The following FBXL22 variants were observed in gnomAD, a reference collection of about 807,000 sequenced individuals.
The protein encoded by FBXL22 is F-box and leucine-rich protein 22.
FBXL22 carries 13 observed loss-of-function variants against 11.7 expected under a neutral mutation model. The ratio of observed to expected loss-of-function variants is 1.11; its 90% confidence interval spans 0.73 to 1.77. The LOEUF (loss-of-function observed/expected upper bound fraction) is 1.77, where lower values mean the gene tolerates loss of function less well. Ranked by LOEUF, FBXL22 falls within the 40% of genes most tolerant of loss-of-function variation. FBXL22 has a pLI of 0.00. For missense variants in FBXL22, 406 were observed against 320.4 expected, an observed-to-expected ratio of 1.27 and a Z score of -2.04; for synonymous variants, 160 against 144.1, an observed-to-expected ratio of 1.11 and a Z score of -0.79.
At chr15:63,600,446 A>C in intron 1 of FBXL22, 2 of 1,209,518 alleles carry the variant, frequency 1.7e-6, no homozygotes, top group African/African-American at 3.1e-5. Context: ...GGGGCTTCCC[A>C]CTAGGGGCTC....
chr15:63,601,352 C>T, downstream of FBXL22: 1 of 1,604,122 alleles, frequency 6.2e-7, no homozygotes. Flanking sequence ...TCCTCGGGGA[C>T]TCCGATCGCC....
chr15:63,601,161 C>G lies in FBXL22; in HGVS notation c.*122C>G. On this transcript the variant is annotated 3_prime_UTR_variant, in exon 2 of 2. Transcript: ENST00000638704. Reference sequence around the variant, plus strand: ...CTGAGCCTCATTTTCCCCGTCTGCACAGTGGGGATAAGAAAGCCTACCTCA... The same window carrying G: ...CTGAGCCTCATTTTCCCCGTCTGCAGAGTGGGGATAAGAAAGCCTACCTCA... 2 of 1,432,362 alleles carry G rather than the reference C, an allele frequency of 1.4e-6. No homozygotes were observed. Among genetic ancestry groups the G allele is most frequent in the Non-Finnish European group, 1.8e-6 (2 of 1,099,596 alleles). The allele number at this position is 1,432,362 out of a possible 1,614,324, so 88.7% of individuals were successfully genotyped here.
chr15:63,601,462 C>G, downstream of FBXL22: 1 of 1,571,468 alleles, frequency 6.4e-7, no homozygotes. Context: ...GCGCAGGGGT[C>G]TGGGGAGCCT....
At chr15:63,602,210 G>A (rs3934553), downstream of FBXL22, 123,989 of 152,484 alleles carry the variant, frequency 0.81, 52,307 homozygotes, top group Non-Finnish European at 0.88. Flanking sequence ...ATAGGGAAAC[G>A]GCAAGGAAAA....
chr15:63,607,317 T>C (rs1168849476), downstream of FBXL22, among the ~76,000 whole-genome samples: 1 of 152,220 alleles, frequency 6.6e-6, no homozygotes, highest in Non-Finnish European at 1.5e-5. Context: ...AGTGCTGGGA[T>C]TACAGGCGTG....
In FBXL22 at chr15:63,601,063, G is replaced by A. The variant is rs2067364030; in HGVS notation, c.*24G>A. ...AGACGCCGCCCCGCCGCTGCCCCCG[G>A]GGAAGGAGCGCAGCCCCAGACCGTC... On this transcript the variant is annotated 3_prime_UTR_variant, in exon 2 of 2. Transcript: ENST00000638704. 4.1e-6 allele frequency: 5 copies of A among 1,231,958 alleles called. No individual in the cohort carries two copies. The highest frequency in any genetic ancestry group is 4.2e-5 in the Admixed American group (1 of 23,612). 76.3% of individuals were successfully genotyped at this position (1,231,958 alleles called of 1,614,324 possible). A position where few individuals can be genotyped will look rare whatever the true frequency, so the allele number is the denominator to read the frequency against.
intron 1 of FBXL22, chr15:63,599,103 C>G (rs758192479): frequency 3.4e-6 from 4 of 1,174,310 alleles, no homozygotes; most frequent in Non-Finnish European, 3.7e-6. Context: ...CAAACTCTTG[C>G]AACCTCATTT....
At chr15:63,601,696 C>G (rs745484224), downstream of FBXL22, 2 of 1,600,442 alleles carry the variant, frequency 1.2e-6, no homozygotes, top group Admixed American at 1.7e-5. Flanking sequence ...ACCGCACTCG[C>G]GATTGTAGAA....
intron 1 of FBXL22, chr15:63,599,922 G>A (rs940455405): frequency 7.1e-6 from 7 of 985,670 alleles, no homozygotes; most frequent in Non-Finnish European, 8.4e-6. Flanking sequence ...AGGAAATGAA[G>A]GCTCCGTGAG....
downstream of FBXL22, among the ~76,000 whole-genome samples, chr15:63,607,196 C>T (rs1473719691): frequency 6.6e-6 from 1 of 152,174 alleles, no homozygotes; most frequent in African/African-American, 2.4e-5. Context: ...CAGGTGCCCA[C>T]CACCATGCCC....
chr15:63,607,383 A>C (rs1343661782), downstream of FBXL22, among the ~76,000 whole-genome samples: 2 of 152,012 alleles, frequency 1.3e-5, no homozygotes, highest in African/African-American at 4.8e-5. Flanking sequence ...GGGCCTTCCC[A>C]CCCCGAGCAG....
Position 63,597,559 on chromosome 15 carries a change from C to T in FBXL22, c.167C>T (p.Ser56Phe), listed in dbSNP as rs745308830. Residue 56 changes from serine (S) to phenylalanine (F), a missense_variant, in exon 1 of 2, where the codon TCC (serine) becomes TTC (phenylalanine). Physicochemically the swap from Ser to Phe is radical, Grantham distance 155 (BLOSUM62 -2). Transcript: ENST00000638704. The surrounding 1 kb of genome is among the most constrained non-coding windows in gnomAD (Gnocchi z 4.3). ...CTCTGGTCCCTGCTGCACTTCCGTT[C>T]CCTCACTGAACTCCAGAAGGACAAC... ...PALWSLLHFR[S>F]LTELQKDNFL... 3 of 1,614,050 alleles carry T rather than the reference C, an allele frequency of 1.9e-6. No homozygotes were observed. The highest frequency in any genetic ancestry group is 3.3e-5 in the Admixed American group (2 of 60,008).
downstream of FBXL22, among the ~76,000 whole-genome samples, chr15:63,603,510 A>T (rs2067396843): frequency 6.6e-6 from 1 of 152,228 alleles, no homozygotes; most frequent in African/African-American, 2.4e-5. Flanking sequence ...GTGGATGGAC[A>T]GATTAATGTG....
At position 63,600,912 on chromosome 15, in the gene FBXL22, T is replaced by TGCGCCGCCTGCGCGCCGCGTGCCC. The variant is rs1416484556; in HGVS notation, c.575_598dup (p.Arg192_Arg199dup). 1 of 1,215,500 alleles carries TGCGCCGCCTGCGCGCCGCGTGCCC rather than the reference T, an allele frequency of 8.2e-7. No individual in the cohort carries two copies. Among genetic ancestry groups the TGCGCCGCCTGCGCGCCGCGTGCCC allele is most frequent in the East Asian group, 3.3e-5 (1 of 30,600 alleles). 75.3% of individuals were successfully genotyped at this position (1,215,500 alleles called of 1,614,324 possible). The stretch of plus-strand genomic sequence containing the variant: ...TGCCGCAACGTGAGCGCGGCCGGCC[T>TGCGCCGCCTGCGCGCCGCGTGCCC]GCGCCGCCTGCGCGCCGCGTGCCCG... On this transcript the variant is annotated inframe_insertion, in exon 2 of 2. Transcript: ENST00000638704.
At chr15:63,601,886 G>C, downstream of FBXL22, 3 of 726,066 alleles carry the variant, frequency 4.1e-6, no homozygotes, top group East Asian at 6.4e-5. Flanking sequence ...TGACAAGCTA[G>C]ATTTTTCACC....
chr15:63,601,577 A>C (rs2067373146), downstream of FBXL22: 2 of 1,567,194 alleles, frequency 1.3e-6, no homozygotes, highest in Non-Finnish European at 1.7e-6. Context: ...GAGGAGGGGA[A>C]GCAGGGGCGC....
rs150267919 is a variant in FBXL22 at position 63,597,655 on chromosome 15, T to C, written c.263T>C (p.Ile88Thr). Residue 88 changes from isoleucine (I) to threonine (T), a missense_variant, in exon 1 of 2, where the codon ATT becomes ACT. Transcript: ENST00000638704. The surrounding 1 kb of genome is among the most constrained non-coding windows in gnomAD (Gnocchi z 4.3). ...WHSSRVQVCS[I>T]EDWLKSAFQR... is the part of the protein sequence containing the mutation. ...TCCAGCCGCGTGCAGGTGTGCAGCA[T>C]TGAGGACTGGCTCAAGAGTGCCTTC... The C allele has an allele frequency of 2.4e-5, 38 of 1,612,646 alleles. No homozygotes were observed. The highest frequency in any genetic ancestry group is 3.0e-5 in the Non-Finnish European group (35 of 1,179,738).
At chr15:63,607,306 A>G (rs1007294579), downstream of FBXL22, among the ~76,000 whole-genome samples, 1 of 152,096 alleles carries the variant, frequency 6.6e-6, no homozygotes, top group Non-Finnish European at 1.5e-5. Flanking sequence ...CGGCCTCCCA[A>G]AGTGCTGGGA....
rs1595792784 is a variant in FBXL22, at chr15:63,597,799, C to T, written c.353+54C>T. The T allele has an allele frequency of 1.3e-6, 2 of 1,490,290 alleles. No individual in the cohort carries two copies. Among genetic ancestry groups the T allele is most frequent in the South Asian group, 2.6e-5 (2 of 77,502 alleles). The allele number at this position is 1,490,290 out of a possible 1,614,324, so 92.3% of individuals were successfully genotyped here. Reference sequence around the variant, plus strand: ...TGGCCCCGCTAGCTCTGGCTTCCCTCTTGGGGGGCAGGGAAGAGCAAATTA... The same window carrying T: ...TGGCCCCGCTAGCTCTGGCTTCCCTTTTGGGGGGCAGGGAAGAGCAAATTA... On this transcript the variant is annotated intron_variant, in intron 1 of 1. Coordinates refer to ENST00000638704, the MANE Select transcript of FBXL22 (RefSeq NM_001367807.1). The surrounding 1 kb of genome is among the most constrained non-coding windows in gnomAD (Gnocchi z 4.3).
Sources: allele counts gnomAD v4.1 joint callset (sites outside exome capture counted in the v4.1 genomes callset), GRCh38; gene constraint gnomAD v4.1.1; non-coding constraint Gnocchi (gnomAD v3.1); transcripts MANE v1.5; gene names NCBI Gene and HGNC (gene_info 2026-07-23, HGNC 2026-07-21).